The following IRAG1 variants were observed in gnomAD, a reference collection of about 807,000 sequenced individuals.
IRAG1 encodes IP3R-associated cGMP kinase substrate.
Under a neutral mutation model 106.2 loss-of-function variants are expected in IRAG1, and 62 were observed. That is an observed-to-expected ratio of 0.58 (90% confidence interval 0.48 to 0.72). The LOEUF (loss-of-function observed/expected upper bound fraction) is 0.72. IRAG1 is among the 30% of genes least tolerant of loss of function. IRAG1 has a pLI of 0.00. For synonymous variants in IRAG1, 462 were observed against 443.9 expected (o/e 1.04, Z -0.51); for missense variants, 1,064 against 1,140.7 (o/e 0.93, Z 0.97).
At chr11:10,627,424 C>G (rs1288119172) in intron 8 of IRAG1, among the ~76,000 whole-genome samples, 1 of 152,192 alleles carries the variant, frequency 6.6e-6, no homozygotes, top group Non-Finnish European at 1.5e-5. Context: ...GAGCCACAGT[C>G]TCACCTGGCC....
At chr11:10,613,261 C>CAA (rs34065353) in intron 10 of IRAG1, among the ~76,000 whole-genome samples, 3,407 of 132,918 alleles carry the variant, frequency 0.026, 58 homozygotes, top group African/African-American at 0.058. Context: ...ATGCTTCATA[C>CAA]AAAAAAAAAA....
chr11:10,581,069 T>C (rs1851339681), intron 19 of IRAG1, among the ~76,000 whole-genome samples: 1 of 152,160 alleles, frequency 6.6e-6, no homozygotes, highest in Non-Finnish European at 1.5e-5. Context: ...TTCATGCCCA[T>C]AAATTCCAAG....
At chr11:10,679,016 C>G (rs1328924060) in intron 1 of IRAG1, among the ~76,000 whole-genome samples, 4 of 152,152 alleles carry the variant, frequency 2.6e-5, no homozygotes, top group Non-Finnish European at 1.5e-5. Context: ...AAGAAACTAT[C>G]CCTTGGACCA....
chr11:10,632,599 A>G (rs1302311846), intron 3 of IRAG1, among the ~76,000 whole-genome samples: 1 of 152,182 alleles, frequency 6.6e-6, no homozygotes, highest in Non-Finnish European at 1.5e-5. Context: ...CTCAGGCCCC[A>G]ACTCAGATCA....
intron 1 of IRAG1, among the ~76,000 whole-genome samples, chr11:10,667,707 A>C (rs1320375537): frequency 1.3e-5 from 2 of 152,156 alleles, no homozygotes; most frequent in Non-Finnish European, 2.9e-5. Context: ...CTCAAGTCAA[A>C]CATTTCAATG....
chr11:10,603,614 C>T (rs568333769), intron 13 of IRAG1, among the ~76,000 whole-genome samples: 107 of 152,214 alleles, frequency 7.0e-4, no homozygotes, highest in African/African-American at 2.5e-3. Flanking sequence ...TGCGGCCTGG[C>T]CCAGGGGATG....
chr11:10,672,888 T>A (rs1860359519), intron 1 of IRAG1, among the ~76,000 whole-genome samples: 1 of 152,214 alleles, frequency 6.6e-6, no homozygotes, highest in Admixed American at 6.5e-5. Context: ...GCAGCACTAT[T>A]TATAATAGCC....
chr11:10,592,349 A>C (rs1321976397), intron 17 of IRAG1, among the ~76,000 whole-genome samples: 1 of 152,244 alleles, frequency 6.6e-6, no homozygotes, highest in Non-Finnish European at 1.5e-5. Context: ...TTTTAGGCAA[A>C]GTATGGGAAA....
At chr11:10,598,599 A>G (rs1853591003) in intron 15 of IRAG1, among the ~76,000 whole-genome samples, 1 of 152,262 alleles carries the variant, frequency 6.6e-6, no homozygotes, top group African/African-American at 2.4e-5. Context: ...GTGGCCTATC[A>G]AAGTCATGGA....
intron 1 of IRAG1, among the ~76,000 whole-genome samples, chr11:10,681,268 C>T (rs962121060): frequency 2.6e-5 from 4 of 152,170 alleles, no homozygotes; most frequent in South Asian, 4.1e-4. Context: ...CAGGCTCTAG[C>T]GGCTGCCTGG....
At chr11:10,689,264 C>T (rs1030844355) in intron 1 of IRAG1, among the ~76,000 whole-genome samples, 2 of 152,028 alleles carry the variant, frequency 1.3e-5, no homozygotes, top group Admixed American at 6.5e-5. Context: ...GGTGACCAAC[C>T]TTTTGAATTT....
At chr11:10,622,876 G>GACACACACACACAC (rs10525799) in intron 10 of IRAG1, among the ~76,000 whole-genome samples, 4,959 of 141,450 alleles carry the variant, frequency 0.035, 198 homozygotes, top group African/African-American at 0.089. Flanking sequence ...GTAAGCAGTG[G>GACACACACACACAC]ACACACACAC....
Position 10,657,361 on chromosome 11 carries a change from T to G in IRAG1, c.68-5179A>C, listed in dbSNP as rs1859002874. Among the ~76,000 whole-genome samples, 1 of 152,192 alleles carries G rather than the reference T, an allele frequency of 6.6e-6. No homozygotes were observed. The highest frequency in any genetic ancestry group is 1.5e-5 in the Non-Finnish European group (1 of 68,036). On this transcript the variant is annotated intron_variant, in intron 1 of 20. Transcript: ENST00000423302. This position sits in a 1 kb window ranked among gnomAD's most constrained non-coding sequence, Gnocchi z 4.1. ...CTTCCTTGCAGGGCCAAGCCTGTTC[T>G]CGGCAGGCAGCAGCAGCCTCTCATC... is the stretch of plus-strand genomic sequence containing the variant.
intron 1 of IRAG1, among the ~76,000 whole-genome samples, chr11:10,654,423 G>T (rs1858763562): frequency 6.6e-6 from 1 of 152,210 alleles, no homozygotes; most frequent in African/African-American, 2.4e-5. Context: ...GTCTTTCTCT[G>T]CAATGAACAA....
At chr11:10,643,565 C>T (rs1033902876) in intron 2 of IRAG1, among the ~76,000 whole-genome samples, 1 of 152,236 alleles carries the variant, frequency 6.6e-6, no homozygotes, top group African/African-American at 2.4e-5. Flanking sequence ...AGTAACTCAG[C>T]TAGTCGTTCA....
intron 3 of IRAG1, among the ~76,000 whole-genome samples, chr11:10,632,570 C>T (rs368393165): frequency 1.4e-3 from 208 of 152,270 alleles, no homozygotes; most frequent in African/African-American, 4.7e-3. Context: ...AACTTGGGAA[C>T]GTCTTAGAAA....
intron 15 of IRAG1, chr11:10,600,051 A>C (rs1853806144): frequency 6.6e-6 from 1 of 152,136 alleles, no homozygotes; most frequent in Admixed American, 6.5e-5. Flanking sequence ...TGTTTGTTTC[A>C]TCTTGTTTTC....
intron 18 of IRAG1, among the ~76,000 whole-genome samples, chr11:10,583,671 G>A (rs56245730): frequency 0.045 from 6,877 of 152,188 alleles, 271 homozygotes; most frequent in African/African-American, 0.11. Flanking sequence ...ACATTTGAAT[G>A]TAGGTAGAAA....
In IRAG1 at chr11:10,576,427, C is replaced by A. The variant is rs375919523; in HGVS notation, c.2644G>T (p.Ala882Ser). ...YNSYNSCAEQ[A>S]DGPLGRSTCS... ...GTGGATCTTCCAAGGGGCCCATCAGCCTGCTCTGCACAAGAGTTATAGGAA... is the reference window on the plus strand; with the variant it reads ...GTGGATCTTCCAAGGGGCCCATCAGACTGCTCTGCACAAGAGTTATAGGAA... The change falls in exon 21 of 21, where the codon GCT becomes TCT. Residue 882 changes from alanine (A) to serine (S), a missense_variant. Physicochemically the swap from Ala to Ser is moderately conservative, Grantham distance 99. Coordinates refer to ENST00000423302, the MANE Select transcript of IRAG1 (RefSeq NM_130385.4). The A allele has an allele frequency of 1.2e-6, 2 of 1,613,896 alleles. No individual in the cohort carries two copies. Among genetic ancestry groups the A allele is most frequent in the African/African-American group, 2.7e-5 (2 of 74,916 alleles).
Sources: allele counts gnomAD v4.1 joint callset (sites outside exome capture counted in the v4.1 genomes callset), GRCh38; gene constraint gnomAD v4.1.1; non-coding constraint Gnocchi (gnomAD v3.1); transcripts MANE v1.5; gene names NCBI Gene and HGNC (gene_info 2026-07-23, HGNC 2026-07-21).